CD99L2: variants seen among roughly 807,000 people sequenced by gnomAD.
The protein encoded by CD99L2 is CD99 antigen-like protein 2.
Under a neutral mutation model 27.3 loss-of-function variants are expected in CD99L2, and 24 were observed. That is an observed-to-expected ratio of 0.88 (90% CI 0.64 to 1.24). The LOEUF (loss-of-function observed/expected upper bound fraction) is 1.24. Ranked by LOEUF, CD99L2 falls within the 50% of genes most tolerant of loss-of-function variation. CD99L2 has a pLI of 0.00. For synonymous variants in CD99L2, 97 were observed against 87.9 expected, an observed-to-expected ratio of 1.10 and a Z score of -0.58; for missense variants, 255 against 221.6, an observed-to-expected ratio of 1.15 and a Z score of -0.96.
At chrX:150,772,114 G>A (rs1458217224) in intron 9 of CD99L2, among the ~76,000 whole-genome samples, 1 of 112,415 alleles carries the variant, frequency 8.9e-6, no homozygotes, top group African/African-American at 3.2e-5. Flanking sequence ...GGGGACAGGA[G>A]GCCCAACCCC....
intron 9 of CD99L2, among the ~76,000 whole-genome samples, chrX:150,775,864 C>G (rs1413002835): frequency 8.9e-6 from 1 of 112,257 alleles, no homozygotes; most frequent in African/African-American, 3.2e-5. Flanking sequence ...CCCTCCCATT[C>G]TACGTGAAGG....
intron 7 of CD99L2, among the ~76,000 whole-genome samples, chrX:150,791,216 G>A (rs781891107): frequency 1.8e-5 from 2 of 112,208 alleles, no homozygotes; most frequent in African/African-American, 6.5e-5. Flanking sequence ...GCAGCCTGAA[G>A]TAAGACACAT....
intron 4 of CD99L2, among the ~76,000 whole-genome samples, chrX:150,797,297 T>G (rs2045812299): frequency 1.8e-5 from 2 of 112,054 alleles, no homozygotes; most frequent in African/African-American, 6.5e-5. Flanking sequence ...GATATGCCAA[T>G]AAAAGGACTG....
At chrX:150,794,892 G>C (rs1557419846) in intron 6 of CD99L2, among the ~76,000 whole-genome samples, 3 of 112,791 alleles carry the variant, frequency 2.7e-5, no homozygotes, top group Non-Finnish European at 5.6e-5. Context: ...GTCTTGCCAA[G>C]CATAGTTATT....
At chrX:150,820,235 T>C (rs1557420635) in intron 2 of CD99L2, among the ~76,000 whole-genome samples, 1 of 103,718 alleles carries the variant, frequency 9.6e-6, no homozygotes, top group Non-Finnish European at 2.0e-5. Context: ...TCAATCAATG[T>C]ACTATCCCAT....
intron 6 of CD99L2, among the ~76,000 whole-genome samples, chrX:150,794,555 G>A (rs1346108462): frequency 7.1e-5 from 8 of 112,390 alleles, no homozygotes; most frequent in Non-Finnish European, 1.3e-4. Context: ...ATAGTCCCAC[G>A]GAACCAAGTG....
intron 3 of CD99L2, 112 bp downstream of exon 3, chrX:150,815,895 A>G: frequency 1.3e-6 from 1 of 750,792 alleles, no homozygotes; most frequent in Non-Finnish European, 2.1e-6. Flanking sequence ...GGATGCCTTG[A>G]TTGTTTCTGC....
intron 7 of CD99L2, among the ~76,000 whole-genome samples, chrX:150,781,384 C>A (rs1011118869): frequency 1.8e-5 from 2 of 111,863 alleles, no homozygotes; most frequent in Admixed American, 1.9e-4. Context: ...ACAAACAAGT[C>A]TTTTTCATGT....
At chrX:150,810,663 G>A (rs1557420338) in intron 4 of CD99L2, among the ~76,000 whole-genome samples, 1 of 111,607 alleles carries the variant, frequency 9.0e-6, no homozygotes, top group African/African-American at 3.3e-5. Flanking sequence ...GTCTATAAAA[G>A]CAAAAGATGG....
At chrX:150,798,940 AG>A (rs1329093713) in intron 4 of CD99L2, among the ~76,000 whole-genome samples, 1 of 111,697 alleles carries the variant, frequency 9.0e-6, no homozygotes, top group Non-Finnish European at 1.9e-5. Flanking sequence ...TTGTACAGAC[AG>A]GGTTGCCCCA....
intron 6 of CD99L2, among the ~76,000 whole-genome samples, chrX:150,794,075 A>C (rs2124109334): frequency 9.0e-6 from 1 of 111,686 alleles, no homozygotes; most frequent in South Asian, 3.8e-4. Flanking sequence ...TGCATTCATC[A>C]AAAAGGAGAT....
At chrX:150,776,398 G>GC in intron 8 of CD99L2, 105 bp from the exon 9 acceptor site, 1 of 945,862 alleles carries the variant, frequency 1.1e-6, no homozygotes, top group Admixed American at 3.6e-5. Context: ...ACTACTAGAC[G>GC]CCCCCAACCC....
chrX:150,873,942 C>G (rs2124350919), intron 1 of CD99L2, among the ~76,000 whole-genome samples: 1 of 112,634 alleles, frequency 8.9e-6, no homozygotes, highest in African/African-American at 3.2e-5. Flanking sequence ...AAATTCAATC[C>G]TATTTCCAAT....
At position 150,768,750 on chromosome X, in the gene CD99L2, T is replaced by A; in HGVS notation, c.*284A>T. On this transcript the variant is annotated 3_prime_UTR_variant, in exon 11 of 11. Coordinates refer to ENST00000370377, the MANE Select transcript of CD99L2 (RefSeq NM_031462.4). ...CCCCGCATCCTGTGCTCAGTAAAGC[T>A]GGAGGCAGGCTGGCTTTGGGAGTTG... 1 of 409,560 alleles carries A rather than the reference T, an allele frequency of 2.4e-6. No homozygotes were observed. Among genetic ancestry groups the A allele is most frequent in the Admixed American group, 6.1e-5 (1 of 16,525 alleles). The allele number at this position is 409,560 out of a possible 1,213,427, so 33.8% of individuals were successfully genotyped here.
At chrX:150,776,548 G>A (rs2043557780) in intron 8 of CD99L2, among the ~76,000 whole-genome samples, 1 of 112,006 alleles carries the variant, frequency 8.9e-6, no homozygotes, top group Non-Finnish European at 1.9e-5. Flanking sequence ...CGGAAATGGT[G>A]CAGAGCTCTC....
At chrX:150,801,279 CA>C (rs2045902165) in intron 4 of CD99L2, among the ~76,000 whole-genome samples, 1 of 111,466 alleles carries the variant, frequency 9.0e-6, no homozygotes, top group South Asian at 3.7e-4. Context: ...CTGCCTGAGA[CA>C]GGGTAATTTA....
chrX:150,883,137 C>T (rs190301947), intron 1 of CD99L2, among the ~76,000 whole-genome samples: 11 of 112,082 alleles, frequency 9.8e-5, no homozygotes, highest in African/African-American at 3.2e-4. Flanking sequence ...TGCAGTGAAC[C>T]AAGATCACGC....
At chrX:150,790,895 G>A (rs2045676450) in intron 7 of CD99L2, among the ~76,000 whole-genome samples, 1 of 111,950 alleles carries the variant, frequency 8.9e-6, no homozygotes, top group Non-Finnish European at 1.9e-5. Flanking sequence ...AAGGTCATAT[G>A]TTGAAGTCCT....
chrX:150,790,877 C>G (rs1206737911), intron 7 of CD99L2, among the ~76,000 whole-genome samples: 6 of 111,462 alleles, frequency 5.4e-5, no homozygotes, highest in Non-Finnish European at 1.1e-4. Flanking sequence ...ATTTGTATCC[C>G]GTCTCTCAAG....
Sources: allele counts gnomAD v4.1 joint callset (sites outside exome capture counted in the v4.1 genomes callset), GRCh38; gene constraint gnomAD v4.1.1; transcripts MANE v1.5; gene names NCBI Gene and HGNC (gene_info 2026-07-23, HGNC 2026-07-21).